Variants in TAFA2 observed in about 807,000 individuals in gnomAD.
TAFA2 encodes the protein TAFA chemokine like family member 2.
A neutral mutation model predicts 18.8 loss-of-function variants in TAFA2; 7 were observed. The observed-to-expected ratio is 0.37, with a 90% CI of 0.21 to 0.70. The LOEUF is 0.70. Ranked by LOEUF, TAFA2 falls within the 30% of genes least tolerant of loss-of-function variation. TAFA2 has a pLI of 0.53. For missense variants in TAFA2, 122 were observed against 158.1 expected (o/e 0.77, Z 1.23); for synonymous variants, 60 against 54.2 (o/e 1.11, Z -0.47).
intron 4 of TAFA2, among the ~76,000 whole-genome samples, chr12:61,731,110 T>C (rs1183199009): frequency 2.6e-5 from 4 of 152,098 alleles, no homozygotes; most frequent in Admixed American, 6.6e-5. Flanking sequence ...TCCAGGGTTC[T>C]TCCCACTGCT....
At chr12:61,833,672 C>G (rs1872803025) in intron 2 of TAFA2, among the ~76,000 whole-genome samples, 1 of 151,814 alleles carries the variant, frequency 6.6e-6, no homozygotes, top group East Asian at 1.9e-4. Context: ...GTTTTTCTGT[C>G]ATTTTCTTAA....
chr12:62,240,082 G>A lies in TAFA2; in HGVS notation c.-130+18681C>T, dbSNP rs139581445. Among the ~76,000 whole-genome samples, 209 of 150,292 alleles carry A rather than the reference G, an allele frequency of 1.4e-3. No homozygotes were observed. The Middle Eastern group carries it at 0.014, about 10-fold the overall frequency. On this transcript the variant is annotated intron_variant, in intron 1 of 5. Transcript: ENST00000551619. ...TGTTGCATAATTATATATATTTATC[G>A]TACATAAATATATACTAAATATGTT...
intron 1 of TAFA2, among the ~76,000 whole-genome samples, chr12:61,941,306 C>A (rs1012733400): frequency 5.9e-5 from 9 of 152,192 alleles, no homozygotes; most frequent in Admixed American, 3.3e-4. Context: ...AATCTGCACT[C>A]TTTTTAATTT....
At chr12:62,064,186 T>C (rs1882427407) in intron 1 of TAFA2, among the ~76,000 whole-genome samples, 1 of 152,134 alleles carries the variant, frequency 6.6e-6, no homozygotes, top group Admixed American at 6.5e-5. Context: ...GTTCATTTTT[T>C]AAATGCACTA....
chr12:61,848,732 AT>A lies in TAFA2; in HGVS notation c.106+18587del, dbSNP rs1205661168. ...AAACATGGCCAGCAAAAAAAAAAAA[AT>A]AAGTTTCAATATTTATAATAGTATT... is the stretch of plus-strand genomic sequence containing the variant. On this transcript the variant is annotated intron_variant, in intron 2 of 4. Transcript: ENST00000416284. 7.9e-5 allele frequency among the ~76,000 whole-genome samples: 12 copies of A among 151,786 alleles called. 2 individuals carry two copies. The highest frequency in any genetic ancestry group is 2.4e-4 in the African/African-American group (10 of 41,492).
At position 61,943,327 on chromosome 12, in the gene TAFA2, C is replaced by T. The variant is rs867836484; in HGVS notation, c.-1-75901G>A. On this transcript the variant is annotated intron_variant, in intron 1 of 4. Transcript: ENST00000416284. ...AGCACTAAACATGGAAAGGAACAAC[C>T]GGTACCAGCCGCTGCAAAATCATGC... 4.6e-3 allele frequency among the ~76,000 whole-genome samples: 692 copies of T among 149,812 alleles called. 2 individuals carry two copies. The Middle Eastern group carries it at 0.052, about 11-fold the overall frequency.
chr12:61,866,191 C>T (rs765911404), intron 2 of TAFA2, among the ~76,000 whole-genome samples: 3 of 152,112 alleles, frequency 2.0e-5, no homozygotes, highest in Non-Finnish European at 2.9e-5. Flanking sequence ...AACAGGATAA[C>T]GAAATATGAA....
intron 1 of TAFA2, among the ~76,000 whole-genome samples, chr12:62,104,073 A>G (rs148495454): frequency 6.6e-6 from 1 of 152,224 alleles, no homozygotes; most frequent in Non-Finnish European, 1.5e-5. Context: ...AACATTTTGC[A>G]GAATCCTACA....
intron 2 of TAFA2, among the ~76,000 whole-genome samples, chr12:61,836,732 G>GAA (rs1555169247): frequency 8.9e-6 from 1 of 112,788 alleles, no homozygotes; most frequent in African/African-American, 3.0e-5. Flanking sequence ...TTGCCAATTT[G>GAA]ATATATATAT....
At chr12:61,779,832 A>G (rs553847739) in intron 2 of TAFA2, among the ~76,000 whole-genome samples, 7 of 151,752 alleles carry the variant, frequency 4.6e-5, no homozygotes, top group Non-Finnish European at 1.0e-4. Context: ...ACTCTCAGGA[A>G]GCAAAATTGC....
intron 1 of TAFA2, among the ~76,000 whole-genome samples, chr12:62,139,000 G>A (rs1413266521): frequency 6.6e-6 from 1 of 152,002 alleles, no homozygotes; most frequent in Admixed American, 6.6e-5. Context: ...CTTTTCCATG[G>A]AGTAATTAGA....
intron 2 of TAFA2, among the ~76,000 whole-genome samples, chr12:61,806,190 C>T (rs148770956): frequency 5.1e-4 from 77 of 152,284 alleles, no homozygotes; most frequent in African/African-American, 1.8e-3. Context: ...TATGTCCCCA[C>T]TGAAATCTCA....
At chr12:61,800,029 A>G (rs1053012698) in intron 2 of TAFA2, among the ~76,000 whole-genome samples, 9 of 152,174 alleles carry the variant, frequency 5.9e-5, no homozygotes, top group African/African-American at 2.2e-4. Flanking sequence ...GTCATTTGGA[A>G]TGGTAAATGA....
chr12:62,106,882 C>CA (rs369632729), intron 1 of TAFA2, among the ~76,000 whole-genome samples: 1 of 17,032 alleles, frequency 5.9e-5, no homozygotes, highest in Non-Finnish European at 4.5e-4. Context: ...AAAGGATCAC[C>CA]GTACCTTTTT....
chr12:61,978,138 T>C (rs1487062312), intron 1 of TAFA2, among the ~76,000 whole-genome samples: 2 of 152,046 alleles, frequency 1.3e-5, no homozygotes, highest in African/African-American at 4.8e-5. Context: ...CATTTTTCCA[T>C]GTAAAATAAT....
intron 2 of TAFA2, among the ~76,000 whole-genome samples, chr12:61,865,450 G>C (rs564282641): frequency 6.6e-5 from 10 of 152,242 alleles, no homozygotes; most frequent in African/African-American, 2.4e-4. Flanking sequence ...TGGAGGAGGG[G>C]AGAAAACTTT....
At chr12:61,716,946 A>G (rs1446082875) in intron 4 of TAFA2, among the ~76,000 whole-genome samples, 1 of 152,204 alleles carries the variant, frequency 6.6e-6, no homozygotes, top group Non-Finnish European at 1.5e-5. Context: ...AATAAATTTA[A>G]CTTATTCGAT....
At chr12:61,710,458 T>A in intron 4 of TAFA2, 41 bp from the exon 5 acceptor site, 1 of 1,521,798 alleles carries the variant, frequency 6.6e-7, no homozygotes, top group Non-Finnish European at 9.1e-7. Flanking sequence ...TTTCATAACA[T>A]ACCGATAATC....
At chr12:61,988,104 C>T (rs1879877681) in intron 1 of TAFA2, among the ~76,000 whole-genome samples, 1 of 152,072 alleles carries the variant, frequency 6.6e-6, no homozygotes, top group South Asian at 2.1e-4. Flanking sequence ...CACAGGAATG[C>T]TATCATGGCC....
Sources: gnomAD v4.1 joint callset for allele counts (sites outside exome capture counted in the v4.1 genomes callset) on GRCh38, gnomAD v4.1.1 for gene constraint, MANE v1.5 for transcripts, NCBI Gene and HGNC (gene_info 2026-07-23, HGNC 2026-07-21) for gene names.